Variants in C4orf36 observed in about 807,000 individuals in gnomAD.
C4orf36 encodes chromosome 4 open reading frame 36.
A neutral mutation model predicts 12.2 loss-of-function variants in C4orf36; 11 were observed. The ratio of observed to expected loss-of-function variants is 0.90; its 90% CI spans 0.57 to 1.49. C4orf36 has a LOEUF of 1.49. Among genes scored for constraint, C4orf36 ranks in the 40% most tolerant of loss-of-function variants. The pLI is 0.00. For missense variants in C4orf36, 137 were observed against 133.9 expected (o/e 1.02, Z -0.11); for synonymous variants, 54 against 51.3 (o/e 1.05, Z -0.22).
upstream of C4orf36, among the ~76,000 whole-genome samples, chr4:86,894,459 G>A (rs1030956817): frequency 3.9e-5 from 6 of 152,232 alleles, no homozygotes; most frequent in Non-Finnish European, 7.4e-5. Flanking sequence ...AGTTATTTGA[G>A]GTTATATCCA....
rs899413876 is a variant in C4orf36 at position 86,880,449 on chromosome 4, G to A, written c.*3-4006C>T. Among the ~76,000 whole-genome samples, 18 of 152,096 alleles carry A rather than the reference G, an allele frequency of 1.2e-4. No individual in the cohort carries two copies. The South Asian group carries it at 1.9e-3, about 16-fold the overall frequency. On this transcript the variant is annotated intron_variant, in intron 4 of 4. Coordinates refer to ENST00000295898, the MANE Select transcript of C4orf36 (RefSeq NM_144645.4). Reference sequence around the variant, plus strand: ...AGCCTGGGTGACAGAGCGAGACTCCGTCTCAAATAAAAGAAACCCTCCAGG... The same window carrying A: ...AGCCTGGGTGACAGAGCGAGACTCCATCTCAAATAAAAGAAACCCTCCAGG...
At position 86,892,268 on chromosome 4, in the gene C4orf36, G is replaced by A. The variant is rs1747451125; in HGVS notation, c.-159C>T. 14 of 985,868 alleles carry A rather than the reference G, an allele frequency of 1.4e-5. No homozygotes were observed. In the South Asian group the frequency reaches 6.6e-4, roughly 46 times the overall value. 61.1% of individuals were successfully genotyped at this position (985,868 alleles called of 1,614,324 possible). A position where few individuals can be genotyped will look rare whatever the true frequency, so the allele number is the denominator to read the frequency against. ...TGGCGGGTCCCCGCGAGCCGGCGCC[G>A]GCGGCCTGGTTACCCGGGCTCCAGG... On this transcript the variant is annotated 5_prime_UTR_variant, in exon 1 of 5. Transcript: ENST00000295898.
At chr4:86,893,321 C>T (rs1173804847), upstream of C4orf36, among the ~76,000 whole-genome samples, 2 of 152,198 alleles carry the variant, frequency 1.3e-5, no homozygotes, top group African/African-American at 4.8e-5. Flanking sequence ...GCGTGTCTCA[C>T]GCCTGTAATC....
At chr4:86,913,933 T>A in the C4orf36 span, 2 of 1,421,272 alleles carry the variant, frequency 1.4e-6, no homozygotes, top group Non-Finnish European at 2.0e-6. Flanking sequence ...CACGCCATTC[T>A]CCTGCCTCAG....
upstream of C4orf36, chr4:86,892,460 C>T: frequency 1.0e-6 from 1 of 985,286 alleles, no homozygotes; most frequent in Non-Finnish European, 1.2e-6. Flanking sequence ...CAACAAAGGG[C>T]TTTGTGGGGC....
the C4orf36 span, among the ~76,000 whole-genome samples, chr4:86,905,999 A>C: frequency 6.6e-6 from 1 of 152,048 alleles, no homozygotes; most frequent in African/African-American, 2.4e-5. Flanking sequence ...GGGATTACCC[A>C]CGTGAGCCAC....
At chr4:86,918,112 TTTTTTA>T in the C4orf36 span, among the ~76,000 whole-genome samples, 3 of 152,180 alleles carry the variant, frequency 2.0e-5, no homozygotes, top group South Asian at 2.1e-4. Flanking sequence ...TCTCAGTCCT[TTTTTTA>T]TTTTTAAGGG....
At chr4:86,891,339 T>G in intron 2 of C4orf36, 117 bp downstream of exon 2, 2 of 783,358 alleles carry the variant, frequency 2.6e-6, no homozygotes, top group Non-Finnish European at 3.9e-6. Context: ...CTCAAAATAC[T>G]TCACATAGCC....
At chr4:86,928,987 G>A in the C4orf36 span, among the ~76,000 whole-genome samples, 1 of 151,958 alleles carries the variant, frequency 6.6e-6, no homozygotes, top group Non-Finnish European at 1.5e-5. Flanking sequence ...CCTTCCCCAA[G>A]TCCTTTAGTG....
the C4orf36 span, among the ~76,000 whole-genome samples, chr4:86,919,973 G>A: frequency 2.0e-5 from 3 of 152,150 alleles, no homozygotes; most frequent in East Asian, 1.9e-4. Context: ...AGGCTGCAAT[G>A]AGCTATGATC....
At chr4:86,899,776 A>T in the C4orf36 span, among the ~76,000 whole-genome samples, 1 of 152,234 alleles carries the variant, frequency 6.6e-6, no homozygotes, top group Non-Finnish European at 1.5e-5. Context: ...AGTTGCTGTG[A>T]GCCAAGATAG....
At chr4:86,933,656 A>T in the C4orf36 span, 1 of 152,258 alleles carries the variant, frequency 6.6e-6, no homozygotes, top group South Asian at 2.1e-4. Context: ...AATGAAATGT[A>T]TTCATTATAT....
At chr4:86,906,358 A>T in the C4orf36 span, among the ~76,000 whole-genome samples, 1 of 152,080 alleles carries the variant, frequency 6.6e-6, no homozygotes, top group South Asian at 2.1e-4. Context: ...TTAAGTGGGG[A>T]ATGACGTTAA....
chr4:86,880,689 A>G (rs1428496942), intron 4 of C4orf36, among the ~76,000 whole-genome samples: 1 of 152,266 alleles, frequency 6.6e-6, no homozygotes, highest in Non-Finnish European at 1.5e-5. Context: ...GACACTAGAC[A>G]GCAACATAAA....
rs1469930454 is a variant in C4orf36 at position 86,892,391 on chromosome 4, C to G, written c.-282G>C. The G allele has an allele frequency of 1.0e-6, 1 of 985,462 alleles. No individual in the cohort carries two copies. The highest frequency in any genetic ancestry group is 1.2e-6 in the Non-Finnish European group (1 of 830,070). 61.0% of individuals were successfully genotyped at this position (985,462 alleles called of 1,614,324 possible). Reference sequence around the variant, plus strand: ...CTCGGGGCCGCGCCGCAGGCACACGCCTCCTTCCCGCTCGCCGCGGGCGCC... The same window carrying G: ...CTCGGGGCCGCGCCGCAGGCACACGGCTCCTTCCCGCTCGCCGCGGGCGCC... On this transcript the variant is annotated 5_prime_UTR_variant, in exon 1 of 5. Coordinates refer to ENST00000295898, the MANE Select transcript of C4orf36 (RefSeq NM_144645.4).
chr4:86,917,564 TGAGG>T, the C4orf36 span, among the ~76,000 whole-genome samples: 1 of 83,770 alleles, frequency 1.2e-5, no homozygotes, highest in Non-Finnish European at 2.4e-5. Context: ...GAAGAGAGAG[TGAGG>T]GAGGGAGGAA....
chr4:86,918,729 C>A, the C4orf36 span, among the ~76,000 whole-genome samples: 1,409 of 152,146 alleles, frequency 9.3e-3, 27 homozygotes, highest in African/African-American at 0.033. Context: ...CAGGGGATTT[C>A]CTGGGACATC....
the C4orf36 span, among the ~76,000 whole-genome samples, chr4:86,927,279 G>A: frequency 6.6e-6 from 1 of 152,026 alleles, no homozygotes; most frequent in African/African-American, 2.4e-5. Flanking sequence ...GCACTTTTGG[G>A]AGGCTGAGGT....
At chr4:86,917,451 AAAAG>A in the C4orf36 span, among the ~76,000 whole-genome samples, 65 of 96,652 alleles carry the variant, frequency 6.7e-4, no homozygotes, top group African/African-American at 1.6e-3. Context: ...GAGAAAGAGA[AAAAG>A]AAAGAAAGAA....
Sources: allele counts gnomAD v4.1 joint callset (sites outside exome capture counted in the v4.1 genomes callset), GRCh38; gene constraint gnomAD v4.1.1; transcripts MANE v1.5; gene names NCBI Gene and HGNC (gene_info 2026-07-23, HGNC 2026-07-21).